RSPH10B2: variants seen among roughly 807,000 people sequenced by gnomAD.
RSPH10B2 encodes the protein radial spoke head 10 homolog B2.
In RSPH10B2, 9 loss-of-function variants were observed where a neutral mutation model predicts 49.0. The observed-to-expected ratio is 0.18, with a 90% CI of 0.11 to 0.32. RSPH10B2 has a LOEUF of 0.32. Ranked by LOEUF, RSPH10B2 falls within the 10% of genes least tolerant of loss-of-function variation. The pLI is 1.00. For missense variants in RSPH10B2, 95 were observed against 589.9 expected, an observed-to-expected ratio of 0.16 and a Z score of 8.69; for synonymous variants, 35 against 210.2, an observed-to-expected ratio of 0.17 and a Z score of 7.21.
At chr7:6,796,652 T>C in exon 18 of RSPH10B2, 2 of 1,224,964 alleles carry the variant, frequency 1.6e-6, no homozygotes, top group Non-Finnish European at 1.1e-6. Flanking sequence ...GTGAACACGC[T>C]CTTTCATGCG....
chr7:6,761,270 A>AAT (rs1781249291), intron 3 of RSPH10B2: 1 of 111,528 alleles, frequency 9.0e-6, no homozygotes, highest in Admixed American at 1.0e-4. Flanking sequence ...TGGTGTTTAT[A>AAT]AATGGTAATG....
intron 16 of RSPH10B2, 140 bp from the exon 19 acceptor site, chr7:6,791,762 AAG>A: frequency 3.7e-5 from 6 of 160,678 alleles, no homozygotes; most frequent in South Asian, 1.4e-4. Flanking sequence ...AAAAAAAAAA[AAG>A]TCAAATTAAA....
intron 17 of RSPH10B2, among the ~76,000 whole-genome samples, chr7:6,793,558 T>C (rs1782429580): frequency 8.1e-6 from 1 of 123,674 alleles, no homozygotes; most frequent in Admixed American, 9.1e-5. Flanking sequence ...GAAAATCTCT[T>C]CTCTTGGCCG....
rs1227292816 is a variant in RSPH10B2 at position 6,781,314 on chromosome 7, C to T, written c.1610-14C>T. Reference sequence around the variant, plus strand: ...CATAAATCTGTAATCATTTTTCGAACGTTGTATTTTTAGGCAATTTATTCC... The same window carrying T: ...CATAAATCTGTAATCATTTTTCGAATGTTGTATTTTTAGGCAATTTATTCC... On this transcript the variant is annotated splice_polypyrimidine_tract_variant and intron_variant, in intron 12 of 18. Transcript: ENST00000297186. 8 of 1,276,380 alleles carry T rather than the reference C, an allele frequency of 6.3e-6. 3 individuals carry two copies. Among genetic ancestry groups the T allele is most frequent in the Admixed American group, 5.6e-5 (2 of 35,780 alleles). The allele number at this position is 1,276,380 out of a possible 1,614,324, so 79.1% of individuals were successfully genotyped here.
At chr7:6,791,475 G>T (rs1204384691) in intron 16 of RSPH10B2, among the ~76,000 whole-genome samples, 1 of 146,496 alleles carries the variant, frequency 6.8e-6, no homozygotes, top group African/African-American at 2.5e-5. Flanking sequence ...TGGGTGTGGT[G>T]GCTCACACCT....
At chr7:6,764,625 T>G (rs1246673245) in intron 4 of RSPH10B2, among the ~76,000 whole-genome samples, 3 of 151,784 alleles carry the variant, frequency 2.0e-5, no homozygotes, top group Non-Finnish European at 4.4e-5. Context: ...CCTCCCAAAG[T>G]GCTGGGATTA....
chr7:6,781,457 A>G, exon 13 of RSPH10B2: 1 of 1,268,394 alleles, frequency 7.9e-7, no homozygotes, highest in Non-Finnish European at 1.0e-6. Context: ...AAGATGAGAC[A>G]CTTCCTCTGG....
intron 7 of RSPH10B2, among the ~76,000 whole-genome samples, chr7:6,770,656 A>T (rs1361635921): frequency 6.1e-5 from 9 of 147,050 alleles, no homozygotes; most frequent in African/African-American, 2.3e-4. Flanking sequence ...CTGTAATCCC[A>T]ACACTTTTGG....
chr7:6,776,705 T>A (rs911323538), intron 10 of RSPH10B2, among the ~76,000 whole-genome samples, 159 bp downstream of exon 12: 3 of 48,390 alleles, frequency 6.2e-5, no homozygotes, highest in African/African-American at 8.5e-5. Context: ...TGAAACCCCG[T>A]CTCTACTAAA....
At chr7:6,768,156 TG>T (rs1171566411) in intron 6 of RSPH10B2, among the ~76,000 whole-genome samples, 1 of 138,988 alleles carries the variant, frequency 7.2e-6, no homozygotes, top group Non-Finnish European at 1.5e-5. Flanking sequence ...TACTCTAGCC[TG>T]GGTAACAGAG....
intron 10 of RSPH10B2, among the ~76,000 whole-genome samples, chr7:6,776,927 A>ACACACACACACACAC (rs770227917): frequency 1.6e-5 from 2 of 128,934 alleles, no homozygotes; most frequent in Non-Finnish European, 1.7e-5. Context: ...ACACACACAC[A>ACACACACACACACAC]AAAGGCAGGG....
chr7:6,796,996 T>C, intron 18 of RSPH10B2: 1 of 372,344 alleles, frequency 2.7e-6, no homozygotes. Flanking sequence ...GTTCTAATAT[T>C]TGGTCTTAGT....
rs1279245758 is a variant in RSPH10B2, at chr7:6,797,917, T to A, written c.2433-446T>A. Among the ~76,000 whole-genome samples the A allele has an allele frequency of 4.2e-5, 4 of 95,604 alleles. 2 individuals carry two copies. Among genetic ancestry groups the A allele is most frequent in the Non-Finnish European group, 7.9e-5 (4 of 50,614 alleles). 62.7% of individuals were successfully genotyped at this position (95,604 alleles called of 152,430 possible). ...ACTTTGGGAGGCCAAGGTGGGTGGA[T>A]CACCTGAGGTCAGGAGTTTGAGACC... On this transcript the variant is annotated intron_variant, in intron 18 of 18. Transcript: ENST00000297186.
intron 6 of RSPH10B2, among the ~76,000 whole-genome samples, chr7:6,768,246 G>C (rs1217799671): frequency 2.0e-5 from 3 of 152,300 alleles, no homozygotes; most frequent in Middle Eastern, 3.2e-3. Context: ...AAATCTTCAC[G>C]ATCAAGCCAG....
intron 7 of RSPH10B2, among the ~76,000 whole-genome samples, chr7:6,769,609 G>T (rs1781563470): frequency 1.8e-5 from 2 of 108,552 alleles, no homozygotes; most frequent in African/African-American, 4.1e-5. Flanking sequence ...TTTTTTTTGA[G>T]ACAGAGTTTC....
chr7:6,752,200 A>T (rs1780903856), upstream of RSPH10B2, among the ~76,000 whole-genome samples: 1 of 149,140 alleles, frequency 6.7e-6, no homozygotes, highest in Non-Finnish European at 1.5e-5. Flanking sequence ...TCACTATTTG[A>T]AACATTCCTC....
intron 17 of RSPH10B2, chr7:6,794,038 C>T (rs1476489212): frequency 6.9e-6 from 1 of 145,636 alleles, no homozygotes. Flanking sequence ...TACATGCTCA[C>T]CTTTGCTGCT....
chr7:6,780,576 G>C (rs1409351974), intron 11 of RSPH10B2, among the ~76,000 whole-genome samples: 2 of 116,108 alleles, frequency 1.7e-5, no homozygotes, highest in Non-Finnish European at 3.6e-5. Context: ...GTGGAGATGG[G>C]GTTTCACCAT....
At chr7:6,784,916 C>T (rs1222937265) in intron 13 of RSPH10B2, among the ~76,000 whole-genome samples, 1 of 78,038 alleles carries the variant, frequency 1.3e-5, no homozygotes, top group African/African-American at 6.1e-5. Context: ...CAACCAGTGC[C>T]GTGTGGTCAG....
Sources: allele counts gnomAD v4.1 joint callset (sites outside exome capture counted in the v4.1 genomes callset), GRCh38; gene constraint gnomAD v4.1.1; transcripts MANE v1.5; gene names NCBI Gene and HGNC (gene_info 2026-07-23, HGNC 2026-07-21).